TRDN: variants seen among roughly 807,000 people sequenced by gnomAD.
TRDN encodes the protein triadin in skeletal muscle.
A neutral mutation model predicts 149.7 loss-of-function variants in TRDN; 161 were observed. The observed-to-expected ratio is 1.08, with a 90% confidence interval of 0.95 to 1.23. The LOEUF is 1.23. TRDN is among the 50% of genes most tolerant of loss of function. TRDN has a pLI of 0.00. For missense variants in TRDN, 896 were observed against 823.5 expected, an observed-to-expected ratio of 1.09 and a Z score of -1.08; for synonymous variants, 294 against 250.5, an observed-to-expected ratio of 1.17 and a Z score of -1.64.
At chr6:123,612,524 G>C (rs1392103934) in intron 1 of TRDN, among the ~76,000 whole-genome samples, 3 of 152,082 alleles carry the variant, frequency 2.0e-5, no homozygotes, top group African/African-American at 7.2e-5. Flanking sequence ...TGAGTAAGGA[G>C]AATCACTTGT....
At chr6:123,335,483 T>C (rs1287522842) in intron 22 of TRDN, among the ~76,000 whole-genome samples, 1 of 151,844 alleles carries the variant, frequency 6.6e-6, no homozygotes, top group African/African-American at 2.4e-5. Flanking sequence ...TGATTTAGGA[T>C]GATGTAAAAT....
intron 20 of TRDN, among the ~76,000 whole-genome samples, chr6:123,365,765 C>T (rs1781073248): frequency 6.6e-6 from 1 of 152,136 alleles, no homozygotes. Context: ...GAATCTTGTT[C>T]ATGTGAGTAC....
chr6:123,548,149 G>T (rs564004555), intron 3 of TRDN, among the ~76,000 whole-genome samples: 2 of 151,970 alleles, frequency 1.3e-5, no homozygotes, highest in African/African-American at 2.4e-5. Flanking sequence ...GCATATAAAT[G>T]TGAGTTTGTA....
intron 10 of TRDN, among the ~76,000 whole-genome samples, chr6:123,444,515 C>T (rs2114621524): frequency 6.6e-6 from 1 of 150,640 alleles, no homozygotes; most frequent in Non-Finnish European, 1.5e-5. Flanking sequence ...CATTTATTTC[C>T]TTCTCCTGCC....
intron 1 of TRDN, 135 bp from the exon 2 acceptor site, chr6:123,571,267 C>T: frequency 1.2e-6 from 1 of 842,482 alleles, no homozygotes; most frequent in Non-Finnish European, 1.8e-6. Context: ...AGTGGCAGGA[C>T]AAAGCCTCCC....
chr6:123,292,671 C>T (rs945623564), intron 24 of TRDN, among the ~76,000 whole-genome samples: 16 of 152,148 alleles, frequency 1.1e-4, no homozygotes, highest in Non-Finnish European at 4.4e-5. Context: ...ATTGAGTACC[C>T]CCTCTGCTGT....
chr6:123,604,111 G>A (rs989284823), intron 1 of TRDN, among the ~76,000 whole-genome samples: 5 of 152,120 alleles, frequency 3.3e-5, no homozygotes, highest in South Asian at 2.1e-4. Flanking sequence ...AGTGCTTACC[G>A]CGACAGTGTT....
intron 38 of TRDN, among the ~76,000 whole-genome samples, chr6:123,233,214 C>G (rs559506398): frequency 2.0e-5 from 3 of 152,006 alleles, no homozygotes; most frequent in African/African-American, 4.8e-5. Context: ...TAAAAACCCA[C>G]GGTAGTTCAA....
intron 1 of TRDN, among the ~76,000 whole-genome samples, chr6:123,616,844 A>AT (rs1318064346): frequency 2.0e-5 from 3 of 150,688 alleles, no homozygotes; most frequent in Admixed American, 6.6e-5. Flanking sequence ...TCTGATCCCC[A>AT]TTTTTTTTTC....
At position 123,344,776 on chromosome 6, in the gene TRDN, C is replaced by A. The variant is rs144116798; in HGVS notation, c.1370-7107G>T. ...TTTTTGCATATACATAAGTTTTCAGCTTATTTGGATAAATACCAAGGAGCG... is the reference window on the plus strand; with the variant it reads ...TTTTTGCATATACATAAGTTTTCAGATTATTTGGATAAATACCAAGGAGCG... On this transcript the variant is annotated intron_variant, in intron 21 of 40. Coordinates refer to ENST00000334268, the MANE Select transcript of TRDN (RefSeq NM_006073.4). Among the ~76,000 whole-genome samples, 555 of 152,066 alleles carry A rather than the reference C, an allele frequency of 3.6e-3. 5 individuals are homozygous for A. Among genetic ancestry groups the A allele is most frequent in the African/African-American group, 0.013 (527 of 41,516 alleles).
At chr6:123,379,553 A>G (rs761560103) in intron 16 of TRDN, among the ~76,000 whole-genome samples, 17 of 152,216 alleles carry the variant, frequency 1.1e-4, no homozygotes, top group Non-Finnish European at 2.4e-4. Context: ...CAGTCAAAAA[A>G]GTACTGGAAG....
intron 13 of TRDN, among the ~76,000 whole-genome samples, 171 bp from the exon 14 acceptor site, chr6:123,388,722 A>G (rs1781998518): frequency 6.6e-6 from 1 of 152,190 alleles, no homozygotes; most frequent in African/African-American, 2.4e-5. Flanking sequence ...CTTCATATAA[A>G]GATATTTGTA....
Position 123,285,343 on chromosome 6 carries a change from A to C in TRDN, c.1511-6261T>G, listed in dbSNP as rs376518184. ...GTGTGGTACTGGTATAAAAATAGGC[A>C]CAAAGACCAATGGGAAAGAATAGAG... On this transcript the variant is annotated intron_variant, in intron 24 of 40. Coordinates refer to ENST00000334268, the MANE Select transcript of TRDN (RefSeq NM_006073.4). Among the ~76,000 whole-genome samples the C allele has an allele frequency of 3.3e-5, 5 of 152,286 alleles. No individual in the cohort carries two copies. In the East Asian group the frequency reaches 9.7e-4, roughly 29 times the overall value.
At chr6:123,579,999 T>C (rs1156994500) in intron 1 of TRDN, among the ~76,000 whole-genome samples, 1 of 145,404 alleles carries the variant, frequency 6.9e-6, no homozygotes, top group African/African-American at 2.6e-5. Context: ...TTAAACCTCT[T>C]TCCTTTATAA....
chr6:123,455,905 G>T (rs1776092776), intron 10 of TRDN, among the ~76,000 whole-genome samples: 1 of 152,028 alleles, frequency 6.6e-6, no homozygotes, highest in African/African-American at 2.4e-5. Context: ...TGGATTGCAA[G>T]AATATTTCAT....
Position 123,260,644 on chromosome 6 carries a change from GAAAA to G in TRDN, c.1805-10_1805-7del. On this transcript the variant is annotated splice_polypyrimidine_tract_variant and splice_region_variant and intron_variant, in intron 33 of 40. Coordinates refer to ENST00000334268, the MANE Select transcript of TRDN (RefSeq NM_006073.4). Reference sequence around the variant, plus strand: ...TGTGACTTCTGATGTTCCTTCTTTAGAAAAAAAAAAAAAAAGAATGTAGAAAGAA... The same window carrying G: ...TGTGACTTCTGATGTTCCTTCTTTAGAAAAAAAAAAAGAATGTAGAAAGAA... The G allele has an allele frequency of 2.1e-5, 22 of 1,062,290 alleles. No homozygotes were observed. The highest frequency in any genetic ancestry group is 7.9e-5 in the Admixed American group (2 of 25,164). The allele number at this position is 1,062,290 out of a possible 1,614,324, so 65.8% of individuals were successfully genotyped here.
intron 1 of TRDN, among the ~76,000 whole-genome samples, chr6:123,609,205 A>G (rs564720184): frequency 6.6e-6 from 1 of 152,158 alleles, no homozygotes; most frequent in South Asian, 2.1e-4. Context: ...TGGAAGCAGT[A>G]TTCAACAAAA....
chr6:123,630,477 C>T (rs897749405), intron 1 of TRDN, among the ~76,000 whole-genome samples: 5 of 151,850 alleles, frequency 3.3e-5, no homozygotes, highest in Non-Finnish European at 4.4e-5. Context: ...TATTGGAGGC[C>T]TTAAGTCTCT....
At chr6:123,493,787 C>T (rs1778320896) in intron 9 of TRDN, among the ~76,000 whole-genome samples, 1 of 152,162 alleles carries the variant, frequency 6.6e-6, no homozygotes, top group East Asian at 1.9e-4. Context: ...CAGTCAGAGT[C>T]AATGTCTCAC....
Sources: gnomAD v4.1 joint callset for allele counts (sites outside exome capture counted in the v4.1 genomes callset) on GRCh38, gnomAD v4.1.1 for gene constraint, MANE v1.5 for transcripts, NCBI Gene and HGNC (gene_info 2026-07-23, HGNC 2026-07-21) for gene names.